The following SAMD5 variants were observed in gnomAD, a reference collection of about 807,000 sequenced individuals.
SAMD5 encodes sterile alpha motif domain containing 5.
SAMD5 carries 13 observed loss-of-function variants against 11.3 expected under a neutral mutation model. That is an observed-to-expected ratio of 1.15 (90% CI 0.75 to 1.83). The LOEUF (loss-of-function observed/expected upper bound fraction) is 1.83, where lower values mean the gene tolerates loss of function less well. Ranked by LOEUF, SAMD5 falls within the 40% of genes most tolerant of loss-of-function variation. The probability of loss-of-function intolerance (pLI) is 0.00; values close to 1 mark genes in which losing one functional copy is unlikely to be tolerated. For synonymous variants in SAMD5, 129 were observed against 111.3 expected, an observed-to-expected ratio of 1.16 and a Z score of -1.00; for missense variants, 255 against 239.1, an observed-to-expected ratio of 1.07 and a Z score of -0.44.
downstream of SAMD5, among the ~76,000 whole-genome samples, chr6:147,572,775 CA>C (rs1789156118): frequency 6.6e-6 from 1 of 152,090 alleles, no homozygotes; most frequent in African/African-American, 2.4e-5. Context: ...TACTGCCAGA[CA>C]AAATACCAAG....
the SAMD5 span, among the ~76,000 whole-genome samples, chr6:147,798,488 G>A: frequency 2.0e-5 from 3 of 147,148 alleles, no homozygotes; most frequent in African/African-American, 7.7e-5. Flanking sequence ...TTACTTCCAA[G>A]TATGTGGTCA....
chr6:147,543,871 A>G lies in SAMD5; in HGVS notation c.460-20523A>G, dbSNP rs548472191. On this transcript the variant is annotated intron_variant, in intron 1 of 1. Coordinates refer to ENST00000367474, the MANE Select transcript of SAMD5 (RefSeq NM_001030060.3). ...AGAAGCTTTGGAGGCATCTCAGGAG[A>G]GTGTAAAAGACAAGCAGACGTGTAG... 4.9e-4 allele frequency among the ~76,000 whole-genome samples: 74 copies of G among 152,196 alleles called. 1 individual carries two copies. Among genetic ancestry groups the G allele is most frequent in the African/African-American group, 1.7e-3 (71 of 41,524 alleles).
At chr6:147,735,025 CAG>C (rs1791775474) in intron 1 of SAMD5, among the ~76,000 whole-genome samples, 1 of 152,088 alleles carries the variant, frequency 6.6e-6, no homozygotes, top group African/African-American at 2.4e-5. Flanking sequence ...AATCAAGAGA[CAG>C]ACAATTATAT....
intron 1 of SAMD5, among the ~76,000 whole-genome samples, chr6:147,717,960 A>C (rs1258604515): frequency 6.6e-6 from 1 of 152,230 alleles, no homozygotes; most frequent in East Asian, 1.9e-4. Context: ...GAAGATATGA[A>C]ATTAAAACTG....
At chr6:147,920,311 T>C in the SAMD5 span, among the ~76,000 whole-genome samples, 2 of 152,198 alleles carry the variant, frequency 1.3e-5, no homozygotes, top group African/African-American at 4.8e-5. Flanking sequence ...GGATGCTTCC[T>C]GTTCTCAAAC....
the SAMD5 span, among the ~76,000 whole-genome samples, chr6:147,865,231 CTGTG>C: frequency 2.6e-5 from 4 of 151,458 alleles, no homozygotes; most frequent in Admixed American, 2.6e-4. Flanking sequence ...TAGACACAGA[CTGTG>C]ATGTGTGTGT....
At position 147,566,489 on chromosome 6, in the gene SAMD5, G is replaced by A. The variant is rs1562322502; in HGVS notation, c.*2033G>A. 1 of 985,624 alleles carries A rather than the reference G, an allele frequency of 1.0e-6. No homozygotes were observed. The highest frequency in any genetic ancestry group is 1.2e-6 in the Non-Finnish European group (1 of 829,888). 61.1% of individuals were successfully genotyped at this position (985,624 alleles called of 1,614,324 possible). A position where few individuals can be genotyped will look rare whatever the true frequency, so the allele number is the denominator to read the frequency against. ...GCATGTACTTGTTGAACTTTGCTAG[G>A]AAGGACTCAATTTTTGAAAAATCTG... is the stretch of plus-strand genomic sequence containing the variant. On this transcript the variant is annotated 3_prime_UTR_variant, in exon 2 of 2. Transcript: ENST00000367474.
At chr6:147,705,728 A>C (rs10080373) in intron 1 of SAMD5, among the ~76,000 whole-genome samples, 1 of 152,274 alleles carries the variant, frequency 6.6e-6, no homozygotes, top group Admixed American at 6.5e-5. Context: ...TGAATTGCCT[A>C]GGTTTTGACA....
At chr6:147,869,771 C>G in the SAMD5 span, among the ~76,000 whole-genome samples, 1 of 152,046 alleles carries the variant, frequency 6.6e-6, no homozygotes, top group Non-Finnish European at 1.5e-5. Context: ...CAATAAGGTT[C>G]ATTGCAGCCT....
Position 147,567,580 on chromosome 6 carries a change from T to A in SAMD5, c.*3124T>A. The A allele has an allele frequency of 4.3e-6, 4 of 929,464 alleles. No homozygotes were observed. Among genetic ancestry groups the A allele is most frequent in the Non-Finnish European group, 5.1e-6 (4 of 779,094 alleles). The allele number at this position is 929,464 out of a possible 1,614,324, so 57.6% of individuals were successfully genotyped here. On this transcript the variant is annotated 3_prime_UTR_variant, in exon 2 of 2. Transcript: ENST00000367474. ...TAGCTCTTAAGAGGCTTAAGAGTTC[T>A]ATGGCTTACACCCACATACAGTCCT...
the SAMD5 span, among the ~76,000 whole-genome samples, chr6:147,924,135 T>C: frequency 1.3e-5 from 2 of 151,918 alleles, no homozygotes; most frequent in South Asian, 2.1e-4. Context: ...GGGGATGGGG[T>C]GGGGAAGTGG....
At chr6:147,561,174 T>C (rs1365635094) in intron 1 of SAMD5, among the ~76,000 whole-genome samples, 1 of 152,080 alleles carries the variant, frequency 6.6e-6, no homozygotes, top group Non-Finnish European at 1.5e-5. Flanking sequence ...CCTGCAGAGG[T>C]TGGCTTTTAT....
chr6:147,513,146 A>T (rs1390885290), intron 1 of SAMD5, among the ~76,000 whole-genome samples: 1 of 152,210 alleles, frequency 6.6e-6, no homozygotes, highest in African/African-American at 2.4e-5. Context: ...AAGTGGCAGG[A>T]GATGGAGAGG....
chr6:147,585,996 A>T (rs1789368274), intron 1 of SAMD5, among the ~76,000 whole-genome samples: 1 of 152,178 alleles, frequency 6.6e-6, no homozygotes, highest in African/African-American at 2.4e-5. Flanking sequence ...TGACAGAAAA[A>T]AATGGGTCAC....
chr6:147,809,314 T>C, the SAMD5 span, among the ~76,000 whole-genome samples: 8 of 152,300 alleles, frequency 5.3e-5, no homozygotes, highest in East Asian at 1.5e-3. Context: ...ACAGTACAGA[T>C]TTCTAGCTGC....
At position 147,535,987 on chromosome 6, in the gene SAMD5, GT is replaced by G. The variant is rs748338901; in HGVS notation, c.459+26614del. Among the ~76,000 whole-genome samples, 475 of 144,734 alleles carry G rather than the reference GT, an allele frequency of 3.3e-3. 1 individual carries two copies. Among genetic ancestry groups the G allele is most frequent in the African/African-American group, 9.8e-3 (388 of 39,714 alleles). 95.0% of individuals were successfully genotyped at this position (144,734 alleles called of 152,430 possible). On this transcript the variant is annotated intron_variant, in intron 1 of 1. Transcript: ENST00000367474. Reference sequence around the variant, plus strand: ...GTCAAAGCCTTAATAAAATAACCAAGTTTTTTTTTTTTTTGAGACGGACTCT... The same window carrying G: ...GTCAAAGCCTTAATAAAATAACCAAGTTTTTTTTTTTTTGAGACGGACTCT...
In SAMD5 at chr6:147,616,288, C is replaced by CATATATATGTA. The variant is rs1562334372; in HGVS notation, c.162+106901_162+106902insATATATATGTA. Among the ~76,000 whole-genome samples the CATATATATGTA allele has an allele frequency of 1.8e-3, 186 of 103,556 alleles. 12 individuals are homozygous for CATATATATGTA. Among genetic ancestry groups the CATATATATGTA allele is most frequent in the African/African-American group, 0.014 (182 of 12,852 alleles). The allele number at this position is 103,556 out of a possible 152,430, so 67.9% of individuals were successfully genotyped here. On this transcript the variant is annotated intron_variant, in intron 1 of 1. Transcript: ENST00000566741. ...TTTCATATATATTTATTCATATATACTTCATATATATTTCATATATATTTA... is the reference window on the plus strand; with the variant it reads ...TTTCATATATATTTATTCATATATACATATATATGTATTCATATATATTTCATATATATTTA...
chr6:147,692,003 T>C (rs1457821093), intron 1 of SAMD5, among the ~76,000 whole-genome samples: 1 of 149,984 alleles, frequency 6.7e-6, no homozygotes, highest in African/African-American at 2.5e-5. Flanking sequence ...ACCCCCCTGA[T>C]TGAGTGCCAG....
At chr6:147,726,380 C>A (rs1469275466) in intron 1 of SAMD5, among the ~76,000 whole-genome samples, 2 of 152,166 alleles carry the variant, frequency 1.3e-5, no homozygotes, top group South Asian at 2.1e-4. Flanking sequence ...TTATTTTATT[C>A]CTTATGATAA....
Sources: allele counts gnomAD v4.1 joint callset (sites outside exome capture counted in the v4.1 genomes callset), GRCh38; gene constraint gnomAD v4.1.1; transcripts MANE v1.5; gene names NCBI Gene and HGNC (gene_info 2026-07-23, HGNC 2026-07-21).